ZDHHC13: variants seen among roughly 807,000 people sequenced by gnomAD.
ZDHHC13 encodes the protein palmitoyltransferase ZDHHC13.
In ZDHHC13, 85 loss-of-function variants were observed where a neutral mutation model predicts 86.0. The ratio of observed to expected loss-of-function variants is 0.99; its 90% confidence interval spans 0.83 to 1.18. ZDHHC13 has a LOEUF of 1.18. Among genes scored for constraint, ZDHHC13 ranks in the 50% most tolerant of loss-of-function variants. The pLI is 0.00. For synonymous variants in ZDHHC13, 263 were observed against 246.4 expected (o/e 1.07, Z -0.63); for missense variants, 711 against 730.2 (o/e 0.97, Z 0.30).
intron 1 of ZDHHC13, among the ~76,000 whole-genome samples, chr11:19,128,820 T>A (rs926078611): frequency 6.6e-6 from 1 of 152,214 alleles, no homozygotes; most frequent in Non-Finnish European, 1.5e-5. Flanking sequence ...ATGTCAGTTT[T>A]CATTTATAGC....
At chr11:19,121,525 T>C (rs1848758801) in intron 1 of ZDHHC13, among the ~76,000 whole-genome samples, 1 of 152,252 alleles carries the variant, frequency 6.6e-6, no homozygotes, top group East Asian at 1.9e-4. Context: ...TATTCATCTT[T>C]TATCCCTGAT....
chr11:19,158,785 C>T (rs1272636029), intron 9 of ZDHHC13, among the ~76,000 whole-genome samples, 155 bp from the exon 10 acceptor site: 1 of 151,940 alleles, frequency 6.6e-6, no homozygotes, highest in Non-Finnish European at 1.5e-5. Flanking sequence ...AACTCTATTA[C>T]CACATGGAAA....
At chr11:19,121,309 G>T (rs1014267962) in intron 1 of ZDHHC13, among the ~76,000 whole-genome samples, 1 of 152,112 alleles carries the variant, frequency 6.6e-6, no homozygotes, top group African/African-American at 2.4e-5. Context: ...CCATTCTTTA[G>T]GTCAAGGTCT....
intron 2 of ZDHHC13, among the ~76,000 whole-genome samples, chr11:19,143,628 G>A (rs1479708871): frequency 6.6e-6 from 1 of 152,214 alleles, no homozygotes; most frequent in Non-Finnish European, 1.5e-5. Flanking sequence ...AAGAAATACG[G>A]TAAGGTAAGG....
chr11:19,145,953 G>A (rs1197161063), intron 2 of ZDHHC13, among the ~76,000 whole-genome samples: 1 of 152,176 alleles, frequency 6.6e-6, no homozygotes, highest in African/African-American at 2.4e-5. Flanking sequence ...ACTTAAGAAA[G>A]TCAAGTTCAA....
chr11:19,148,314 G>A (rs1440639911), intron 4 of ZDHHC13, among the ~76,000 whole-genome samples: 1 of 151,944 alleles, frequency 6.6e-6, no homozygotes, highest in Non-Finnish European at 1.5e-5. Context: ...GTTCATGTAA[G>A]TCAAGGAGTT....
intron 2 of ZDHHC13, among the ~76,000 whole-genome samples, chr11:19,143,884 T>G (rs1023922938): frequency 2.6e-5 from 4 of 152,224 alleles, no homozygotes; most frequent in Admixed American, 6.5e-5. Context: ...AATCCATTTT[T>G]GTAGTAATCA....
rs999614295 is a variant in ZDHHC13 at position 19,146,404 on chromosome 11, C to T, written c.296+101C>T. 24 of 1,332,292 alleles carry T rather than the reference C, an allele frequency of 1.8e-5. 1 individual carries two copies. In the Middle Eastern group the frequency reaches 5.8e-4, roughly 32 times the overall value. 82.5% of individuals were successfully genotyped at this position (1,332,292 alleles called of 1,614,324 possible). The stretch of plus-strand genomic sequence containing the variant: ...TGGGTATTGAACCATGTGTAATCCT[C>T]GTGTAAAAGAACACCCGAAACTTTT... On this transcript the variant is annotated intron_variant, in intron 3 of 16. Transcript: ENST00000446113.
rs200413197 is a variant in ZDHHC13 at position 19,143,123 on chromosome 11, A to C, written c.173A>C (p.Gln58Pro). 6.2e-7 allele frequency: 1 copy of C among 1,610,410 alleles called. No homozygotes were observed. Among genetic ancestry groups the C allele is most frequent in the Non-Finnish European group, 8.5e-7 (1 of 1,178,008 alleles). ...AACTGTGACATTGTCAAAGCTACTC[A>C]GTAAGTCTTCCAAATGCTTTGGTTT... Reference protein sequence around the residue: ...SSNCDIVKATQYGIFERCKEL... With the variant: ...SSNCDIVKATPYGIFERCKEL... Residue 58 changes from glutamine (Q) to proline (P), a missense_variant and splice_region_variant, in exon 2 of 17, where the codon CAA becomes CCA. Physicochemically the swap from Gln to Pro is moderately conservative, Grantham distance 76. Coordinates refer to ENST00000446113, the MANE Select transcript of ZDHHC13 (RefSeq NM_019028.3).
At chr11:19,157,155 C>T (rs577611847) in intron 9 of ZDHHC13, among the ~76,000 whole-genome samples, 31 of 152,320 alleles carry the variant, frequency 2.0e-4, no homozygotes, top group African/African-American at 7.5e-4. Context: ...TGAGGCCGTT[C>T]CTGACTGATG....
chr11:19,146,441 C>G, intron 3 of ZDHHC13, 138 bp downstream of exon 3: 1 of 1,042,092 alleles, frequency 9.6e-7, no homozygotes. Flanking sequence ...CTGCCACACA[C>G]GTTGGTTATT....
chr11:19,138,119 C>A (rs1454095998), intron 1 of ZDHHC13, among the ~76,000 whole-genome samples: 1 of 151,918 alleles, frequency 6.6e-6, no homozygotes, highest in Non-Finnish European at 1.5e-5. Flanking sequence ...TTAATGAATA[C>A]AGGAGCTGGT....
intron 1 of ZDHHC13, among the ~76,000 whole-genome samples, chr11:19,139,295 G>A (rs1186509771): frequency 7.9e-5 from 12 of 152,088 alleles, no homozygotes. Context: ...GCCAAATTAT[G>A]AGTGAACTCC....
chr11:19,174,501 C>T (rs1565046082), intron 16 of ZDHHC13, among the ~76,000 whole-genome samples: 2 of 152,252 alleles, frequency 1.3e-5, no homozygotes, highest in African/African-American at 4.8e-5. Context: ...ATGCCATCAT[C>T]CCCATGCAGA....
At chr11:19,143,592 T>C (rs968688696) in intron 2 of ZDHHC13, among the ~76,000 whole-genome samples, 1 of 152,240 alleles carries the variant, frequency 6.6e-6, no homozygotes, top group Non-Finnish European at 1.5e-5. Flanking sequence ...GTACTTTCCA[T>C]GTGCTTGTTG....
chr11:19,136,440 C>T (rs1483015571), intron 1 of ZDHHC13, among the ~76,000 whole-genome samples: 5 of 152,260 alleles, frequency 3.3e-5, no homozygotes, highest in South Asian at 2.1e-4. Context: ...ACCAAATCTA[C>T]GTCTGATTGG....
chr11:19,161,920 CA>C (rs1442784446), intron 10 of ZDHHC13, among the ~76,000 whole-genome samples: 1 of 151,982 alleles, frequency 6.6e-6, no homozygotes, highest in Admixed American at 6.6e-5. Context: ...TTTGAGTGTC[CA>C]AGCAAAAGAC....
At chr11:19,154,750 C>G (rs1387194443) in intron 8 of ZDHHC13, among the ~76,000 whole-genome samples, 1 of 152,204 alleles carries the variant, frequency 6.6e-6, no homozygotes, top group East Asian at 1.9e-4. Context: ...CCTGGATTCC[C>G]TGAAACCTTT....
chr11:19,154,166 C>A (rs187618331), intron 8 of ZDHHC13, among the ~76,000 whole-genome samples: 1 of 152,126 alleles, frequency 6.6e-6, no homozygotes, highest in Non-Finnish European at 1.5e-5. Flanking sequence ...TCTTCCCCAG[C>A]TAGAATTTAA....
Sources: gnomAD v4.1 joint callset for allele counts (sites outside exome capture counted in the v4.1 genomes callset) on GRCh38, gnomAD v4.1.1 for gene constraint, MANE v1.5 for transcripts, NCBI Gene and HGNC (gene_info 2026-07-23, HGNC 2026-07-21) for gene names.